Variants in SLCO3A1 observed in about 807,000 individuals in gnomAD.
The protein encoded by SLCO3A1 is PGE1 transporter.
A neutral mutation model predicts 63.1 loss-of-function variants in SLCO3A1; 27 were observed. That is an observed-to-expected ratio of 0.43 (90% CI 0.32 to 0.59). SLCO3A1 has a LOEUF of 0.59. Among genes scored for constraint, SLCO3A1 ranks in the 20% least tolerant of loss-of-function variants. The pLI is 0.09. For missense variants in SLCO3A1, 773 were observed against 945.8 expected, an observed-to-expected ratio of 0.82 and a Z score of 2.40; for synonymous variants, 473 against 409.9, an observed-to-expected ratio of 1.15 and a Z score of -1.86.
chr15:92,150,950 G>C lies in SLCO3A1; in HGVS notation c.1689G>C (p.Arg563Ser), dbSNP rs1181865030. 6.2e-7 allele frequency: 1 copy of C among 1,608,944 alleles called. No homozygotes were observed. Among genetic ancestry groups the C allele is most frequent in the Non-Finnish European group, 8.5e-7 (1 of 1,178,286 alleles). The part of the protein sequence containing the change: ...AQTPSVIILI[R>S]TVSPELKSYA... ...TTTCTCTTCATCTCTTTGCACGTAG[G>C]ACAGTCAGCCCTGAACTCAAGTCTT... is the stretch of plus-strand genomic sequence containing the variant. Residue 563 changes from arginine (R) to serine (S), a missense_variant and splice_region_variant, in exon 9 of 10, where the codon AGG becomes AGC. By Grantham distance (110) the Arg-to-Ser change is moderately radical. Around this residue, in one of 3 missense-constraint regions of SLCO3A1, gnomAD observed 565 missense variants for 749.8 expected, o/e 0.75. Coordinates refer to ENST00000318445, the MANE Select transcript of SLCO3A1 (RefSeq NM_013272.4).
At chr15:92,118,772 CTG>C (rs2047826336) in intron 4 of SLCO3A1, among the ~76,000 whole-genome samples, 1 of 152,184 alleles carries the variant, frequency 6.6e-6, no homozygotes, top group Non-Finnish European at 1.5e-5. Flanking sequence ...CTCTGGGACT[CTG>C]TGTTTTATCT....
chr15:91,903,470 G>A (rs2092948944), intron 1 of SLCO3A1, among the ~76,000 whole-genome samples: 1 of 152,198 alleles, frequency 6.6e-6, no homozygotes, highest in Admixed American at 6.5e-5. Context: ...CGAGGATGCT[G>A]ATTTTTAGGT....
chr15:92,165,747 T>G lies in SLCO3A1; in HGVS notation c.*2612T>G. ...ACAGAAAACTCAGTCTAGTTTTAAT[T>G]TGCCTTTTGTGCTCTAAAGAAGCAT... is the stretch of plus-strand genomic sequence containing the variant. On this transcript the variant is annotated 3_prime_UTR_variant, in exon 10 of 10. Coordinates refer to ENST00000318445, the MANE Select transcript of SLCO3A1 (RefSeq NM_013272.4). The G allele has an allele frequency of 1.0e-6, 1 of 984,512 alleles. No homozygotes were observed. Among genetic ancestry groups the G allele is most frequent in the South Asian group, 4.7e-5 (1 of 21,236 alleles). The allele number at this position is 984,512 out of a possible 1,614,324, so 61.0% of individuals were successfully genotyped here. A position where few individuals can be genotyped will look rare whatever the true frequency, so the allele number is the denominator to read the frequency against.
In SLCO3A1 at chr15:91,856,946, T is replaced by G. The variant is rs1896934200; in HGVS notation, c.180+2858T>G. ...AAGACAAATTTCTCAGTGTCCTGAATGACACTAGTGTAGGCTTCCCAACTG... is the reference window on the plus strand; with the variant it reads ...AAGACAAATTTCTCAGTGTCCTGAAGGACACTAGTGTAGGCTTCCCAACTG... On this transcript the variant is annotated intron_variant, in intron 1 of 9. Transcript: ENST00000318445. This position sits in a 1 kb window ranked among gnomAD's most constrained non-coding sequence, Gnocchi z 4.9. 6.6e-6 allele frequency among the ~76,000 whole-genome samples: 1 copy of G among 152,104 alleles called. No homozygotes were observed. Among genetic ancestry groups the G allele is most frequent in the African/African-American group, 2.4e-5 (1 of 41,424 alleles).
At chr15:92,096,884 G>A (rs1301098406) in intron 3 of SLCO3A1, among the ~76,000 whole-genome samples, 1 of 152,170 alleles carries the variant, frequency 6.6e-6, no homozygotes, top group Admixed American at 6.5e-5. Flanking sequence ...TGCAGCCGTC[G>A]GCTGGCCCTT....
At chr15:92,156,761 T>G (rs532595855) in intron 9 of SLCO3A1, among the ~76,000 whole-genome samples, 1 of 152,306 alleles carries the variant, frequency 6.6e-6, no homozygotes, top group East Asian at 1.9e-4. Flanking sequence ...GATTCCATGG[T>G]GAATTCAAGT....
At chr15:91,917,240 G>A (rs1468293209) in intron 2 of SLCO3A1, among the ~76,000 whole-genome samples, 1 of 150,924 alleles carries the variant, frequency 6.6e-6, no homozygotes, top group Non-Finnish European at 1.5e-5. Flanking sequence ...CCAGCTGCTG[G>A]ATTTTTCTGA....
At chr15:91,991,568 T>C (rs182457874) in intron 2 of SLCO3A1, among the ~76,000 whole-genome samples, 23 of 152,358 alleles carry the variant, frequency 1.5e-4, no homozygotes, top group African/African-American at 5.5e-4. Context: ...TAAAATTTTC[T>C]AGTAGCCATG....
Position 91,882,760 on chromosome 15 carries a change from C to G in SLCO3A1, c.180+28672C>G, listed in dbSNP as rs547535066. Among the ~76,000 whole-genome samples the G allele has an allele frequency of 3.9e-5, 6 of 152,124 alleles. No homozygotes were observed. The highest frequency in any genetic ancestry group is 8.8e-5 in the Non-Finnish European group (6 of 68,014). ...TGGTCTCGAACTCCTGACCTCAGGTCATCTGCCCATCTCGGCCTTCCAAAG... is the reference window on the plus strand; with the variant it reads ...TGGTCTCGAACTCCTGACCTCAGGTGATCTGCCCATCTCGGCCTTCCAAAG... On this transcript the variant is annotated intron_variant, in intron 1 of 9. Transcript: ENST00000318445. This position sits in a 1 kb window ranked among gnomAD's most constrained non-coding sequence, Gnocchi z 4.4.
rs907574036 is a variant in SLCO3A1 at position 91,900,416 on chromosome 15, A to G, written c.181-15577A>G. 6.6e-5 allele frequency among the ~76,000 whole-genome samples: 10 copies of G among 152,070 alleles called. No homozygotes were observed. The highest frequency in any genetic ancestry group is 1.5e-5 in the Non-Finnish European group (1 of 67,994). ...GTGATCTCAGCTCACTGCAACCTCC[A>G]CTTCCTGGGTTCAAGCGATTCTCCT... On this transcript the variant is annotated intron_variant, in intron 1 of 9. Coordinates refer to ENST00000318445, the MANE Select transcript of SLCO3A1 (RefSeq NM_013272.4). This position sits in a 1 kb window ranked among gnomAD's most constrained non-coding sequence, Gnocchi z 4.3.
chr15:92,016,185 TTTG>T (rs987409767), intron 2 of SLCO3A1, among the ~76,000 whole-genome samples: 51 of 128,648 alleles, frequency 4.0e-4, no homozygotes, highest in African/African-American at 1.4e-3. Flanking sequence ...ATGTTGCAGA[TTTG>T]TTGTATATAT....
intron 2 of SLCO3A1, among the ~76,000 whole-genome samples, chr15:92,011,642 G>A (rs1211690291): frequency 4.6e-5 from 7 of 152,216 alleles, no homozygotes. Context: ...GGCGCCATCA[G>A]TGCCTGCCCT....
At chr15:91,972,725 C>T (rs1433986850) in intron 2 of SLCO3A1, among the ~76,000 whole-genome samples, 1 of 152,158 alleles carries the variant, frequency 6.6e-6, no homozygotes, top group Admixed American at 6.5e-5. Flanking sequence ...GACAGAGGCC[C>T]AGGGAATGCC....
chr15:92,023,000 A>T (rs2046529296), intron 2 of SLCO3A1, among the ~76,000 whole-genome samples: 2 of 152,126 alleles, frequency 1.3e-5, no homozygotes, highest in Admixed American at 1.3e-4. Flanking sequence ...CATCGAATCA[A>T]CTGAGTGGAT....
rs1034342921 is a variant in SLCO3A1 at position 91,872,245 on chromosome 15, T to C, written c.180+18157T>C. Among the ~76,000 whole-genome samples, 3 of 152,174 alleles carry C rather than the reference T, an allele frequency of 2.0e-5. No individual in the cohort carries two copies. Among genetic ancestry groups the C allele is most frequent in the African/African-American group, 7.2e-5 (3 of 41,450 alleles). The stretch of plus-strand genomic sequence containing the variant: ...GGGCTCACTTCTAGAAGTTAAAGAA[T>C]GTGCTGGATGGGCACGGTGGCTCAC... On this transcript the variant is annotated intron_variant, in intron 1 of 9. Coordinates refer to ENST00000318445, the MANE Select transcript of SLCO3A1 (RefSeq NM_013272.4). The surrounding 1 kb of genome is among the most constrained non-coding windows in gnomAD (Gnocchi z 4.1).
chr15:91,912,497 A>T lies in SLCO3A1; in HGVS notation c.181-3496A>T, dbSNP rs1445223109. Among the ~76,000 whole-genome samples the T allele has an allele frequency of 6.6e-6, 1 of 152,216 alleles. No homozygotes were observed. The highest frequency in any genetic ancestry group is 2.4e-5 in the African/African-American group (1 of 41,460). On this transcript the variant is annotated intron_variant, in intron 1 of 9. Coordinates refer to ENST00000318445, the MANE Select transcript of SLCO3A1 (RefSeq NM_013272.4). The surrounding 1 kb of genome is among the most constrained non-coding windows in gnomAD (Gnocchi z 5.0). ...GGCACGGGCGTTATCTGTCTCTAAA[A>T]GAACTGATTATTTTTTGTTTTGCCC... is the stretch of plus-strand genomic sequence containing the variant.
chr15:92,061,473 C>T (rs1177283637), intron 2 of SLCO3A1, among the ~76,000 whole-genome samples: 2 of 152,236 alleles, frequency 1.3e-5, no homozygotes, highest in African/African-American at 4.8e-5. Flanking sequence ...GTAGCTGCCC[C>T]TCTGAAGGTC....
chr15:92,077,502 G>A (rs888250343), intron 2 of SLCO3A1, among the ~76,000 whole-genome samples: 4 of 152,212 alleles, frequency 2.6e-5, no homozygotes, highest in Non-Finnish European at 5.9e-5. Flanking sequence ...AGCCACACCA[G>A]TGAGGCAGGC....
intron 2 of SLCO3A1, among the ~76,000 whole-genome samples, chr15:92,063,554 T>G (rs535271496): frequency 6.6e-6 from 1 of 152,168 alleles, no homozygotes; most frequent in African/African-American, 2.4e-5. Flanking sequence ...CTTTAAGTAG[T>G]GTAATGAAAC....
Sources: gnomAD v4.1 joint callset for allele counts (sites outside exome capture counted in the v4.1 genomes callset) on GRCh38, gnomAD v4.1.1 for gene constraint, gnomAD v4.1.1 regional missense constraint, Gnocchi (gnomAD v3.1) non-coding constraint, MANE v1.5 for transcripts, NCBI Gene and HGNC (gene_info 2026-07-23, HGNC 2026-07-21) for gene names.